IL1RAPL2: variants seen among roughly 807,000 people sequenced by gnomAD.
The protein encoded by IL1RAPL2 is X-linked interleukin-1 receptor accessory protein-like 2.
Under a neutral mutation model 44.1 loss-of-function variants are expected in IL1RAPL2, and 3 were observed. The observed-to-expected ratio is 0.07, with a 90% confidence interval of 0.03 to 0.18. IL1RAPL2 has a LOEUF of 0.18. Ranked by LOEUF, IL1RAPL2 falls within the 10% of genes least tolerant of loss-of-function variation. The pLI is 1.00. For missense variants in IL1RAPL2, 391 were observed against 496.4 expected, an observed-to-expected ratio of 0.79 and a Z score of 2.02; for synonymous variants, 181 against 178.8, an observed-to-expected ratio of 1.01 and a Z score of -0.10.
chrX:105,072,987 CT>C (rs1312653756), intron 2 of IL1RAPL2, among the ~76,000 whole-genome samples: 4 of 108,246 alleles, frequency 3.7e-5, no homozygotes, highest in South Asian at 8.1e-4. Context: ...TGAACTCATC[CT>C]TTTTTATGGC....
At chrX:104,999,957 CTT>C (rs59134494) in intron 2 of IL1RAPL2, among the ~76,000 whole-genome samples, 21 of 104,288 alleles carry the variant, frequency 2.0e-4, no homozygotes, top group African/African-American at 6.6e-4. Flanking sequence ...CATAACATTT[CTT>C]TTTTTTTTTC....
chrX:105,320,729 T>G (rs2034890899), intron 5 of IL1RAPL2, among the ~76,000 whole-genome samples: 1 of 111,881 alleles, frequency 8.9e-6, no homozygotes, highest in Non-Finnish European at 1.9e-5. Flanking sequence ...GAGTGTCTTA[T>G]GCATGTGTGT....
chrX:105,090,740 T>G (rs1387770172), intron 2 of IL1RAPL2, among the ~76,000 whole-genome samples: 1 of 111,703 alleles, frequency 9.0e-6, no homozygotes, highest in African/African-American at 3.2e-5. Flanking sequence ...GGAATGAGAG[T>G]TCTTCTAGCC....
At chrX:104,635,275 C>A (rs1215093616) in intron 1 of IL1RAPL2, among the ~76,000 whole-genome samples, 7 of 111,080 alleles carry the variant, frequency 6.3e-5, no homozygotes, top group South Asian at 3.9e-4. Flanking sequence ...TGCCCTTAAC[C>A]TTTTTTCCTT....
intron 6 of IL1RAPL2, among the ~76,000 whole-genome samples, chrX:105,708,336 T>A (rs1029395824): frequency 6.3e-5 from 7 of 111,859 alleles, no homozygotes; most frequent in Admixed American, 3.8e-4. Flanking sequence ...GTGTTTTAAA[T>A]CTCACTATAA....
intron 6 of IL1RAPL2, among the ~76,000 whole-genome samples, chrX:105,511,193 G>A (rs1175162922): frequency 1.8e-5 from 2 of 111,574 alleles, no homozygotes; most frequent in African/African-American, 6.5e-5. Flanking sequence ...ATTTTTTACT[G>A]ATTCTGTTTA....
At chrX:105,471,980 G>A (rs1265544836) in intron 5 of IL1RAPL2, among the ~76,000 whole-genome samples, 2 of 110,569 alleles carry the variant, frequency 1.8e-5, no homozygotes, top group African/African-American at 3.3e-5. Context: ...TTCACACCTG[G>A]GTTTCCATCT....
At chrX:104,820,895 CAT>C (rs1921285129) in intron 2 of IL1RAPL2, among the ~76,000 whole-genome samples, 1 of 112,359 alleles carries the variant, frequency 8.9e-6, no homozygotes, top group Non-Finnish European at 1.9e-5. Flanking sequence ...GTGATACTCT[CAT>C]ATGTTTCTTT....
At chrX:104,947,170 T>C (rs1307161430) in intron 2 of IL1RAPL2, among the ~76,000 whole-genome samples, 2 of 112,369 alleles carry the variant, frequency 1.8e-5, no homozygotes, top group Non-Finnish European at 3.8e-5. Flanking sequence ...TGGCCAGTGA[T>C]GATGAGCATG....
intron 6 of IL1RAPL2, among the ~76,000 whole-genome samples, chrX:105,679,394 A>AC (rs2037903087): frequency 8.9e-6 from 1 of 112,083 alleles, no homozygotes; most frequent in South Asian, 3.7e-4. Context: ...TCATACAGAC[A>AC]CAAAAATTGA....
intron 1 of IL1RAPL2, among the ~76,000 whole-genome samples, chrX:104,576,779 C>T (rs1038121990): frequency 5.4e-5 from 6 of 111,740 alleles, no homozygotes; most frequent in Non-Finnish European, 1.1e-4. Context: ...ACTAAATCTG[C>T]CTACAACACC....
intron 1 of IL1RAPL2, among the ~76,000 whole-genome samples, chrX:104,599,421 A>T (rs933007966): frequency 9.3e-6 from 1 of 107,841 alleles, no homozygotes; most frequent in Admixed American, 1.0e-4. Context: ...TAATTTTTAA[A>T]TTTTTTTGTA....
At chrX:104,667,384 G>GC (rs1168182523) in intron 2 of IL1RAPL2, among the ~76,000 whole-genome samples, 1 of 111,340 alleles carries the variant, frequency 9.0e-6, no homozygotes, top group East Asian at 2.8e-4. Context: ...CATGCTTTTA[G>GC]CCCCCCAAGA....
chrX:104,955,542 C>CAT (rs986095716), intron 2 of IL1RAPL2, among the ~76,000 whole-genome samples: 9 of 106,391 alleles, frequency 8.5e-5, no homozygotes, highest in African/African-American at 1.7e-4. Flanking sequence ...ATATTATACT[C>CAT]ATATATATAT....
chrX:105,197,597 C>A (rs1556142398), intron 3 of IL1RAPL2, among the ~76,000 whole-genome samples: 1 of 111,390 alleles, frequency 9.0e-6, no homozygotes, highest in Non-Finnish European at 1.9e-5. Flanking sequence ...ACTTAGTGAT[C>A]CCTACATGCA....
chrX:105,329,361 A>G (rs770337163), intron 5 of IL1RAPL2, among the ~76,000 whole-genome samples: 2 of 111,979 alleles, frequency 1.8e-5, no homozygotes, highest in Non-Finnish European at 3.8e-5. Context: ...CCCAAGTCAC[A>G]TAACAAATAA....
chrX:105,263,587 T>A (rs2034377746), intron 4 of IL1RAPL2, among the ~76,000 whole-genome samples: 1 of 111,722 alleles, frequency 9.0e-6, no homozygotes, highest in Non-Finnish European at 1.9e-5. Context: ...ACTTTAGGGT[T>A]CTTAGTAAAC....
At chrX:104,752,525 T>A (rs1932277523) in intron 2 of IL1RAPL2, among the ~76,000 whole-genome samples, 2 of 110,743 alleles carry the variant, frequency 1.8e-5, no homozygotes, top group Non-Finnish European at 3.8e-5. Flanking sequence ...ACCTTCTCAG[T>A]ATGTAATCAC....
At chrX:105,383,982 C>T (rs980653871) in intron 5 of IL1RAPL2, among the ~76,000 whole-genome samples, 2 of 111,604 alleles carry the variant, frequency 1.8e-5, no homozygotes, top group South Asian at 7.3e-4. Flanking sequence ...TATTGAGTTG[C>T]TCGAGTCCTT....
Sources: gnomAD v4.1 joint callset for allele counts (sites outside exome capture counted in the v4.1 genomes callset) on GRCh38, gnomAD v4.1.1 for gene constraint, MANE v1.5 for transcripts, NCBI Gene and HGNC (gene_info 2026-07-23, HGNC 2026-07-21) for gene names.